HS6ST3: variants seen among roughly 807,000 people sequenced by gnomAD.
HS6ST3 encodes heparan sulfate 6-O-sulfotransferase 3.
HS6ST3 carries 12 observed loss-of-function variants against 36.7 expected under a neutral mutation model. That is an observed-to-expected ratio of 0.33 (90% CI 0.21 to 0.53). The LOEUF (loss-of-function observed/expected upper bound fraction) is 0.53, where lower values mean the gene tolerates loss of function less well. Ranked by LOEUF, HS6ST3 falls within the 20% of genes least tolerant of loss-of-function variation. HS6ST3 has a pLI of 0.95. For missense variants in HS6ST3, 584 were observed against 640.9 expected (o/e 0.91, Z 0.96); for synonymous variants, 240 against 257.5 (o/e 0.93, Z 0.65).
intron 1 of HS6ST3, among the ~76,000 whole-genome samples, chr13:96,395,609 C>CTGTTCT (rs1300803266): frequency 5.3e-5 from 8 of 152,190 alleles, no homozygotes; most frequent in African/African-American, 1.9e-4. Context: ...GTGCTCCTCC[C>CTGTTCT]CAGTGTCCCT....
chr13:96,471,453 T>G (rs1202430621), intron 1 of HS6ST3, among the ~76,000 whole-genome samples: 1 of 152,144 alleles, frequency 6.6e-6, no homozygotes, highest in East Asian at 1.9e-4. Context: ...TGTTAGGATG[T>G]CATGGGCTGC....
intron 1 of HS6ST3, among the ~76,000 whole-genome samples, chr13:96,764,207 G>A (rs1461171824): frequency 6.6e-6 from 1 of 152,140 alleles, no homozygotes; most frequent in Non-Finnish European, 1.5e-5. Flanking sequence ...TTCCAAAGAA[G>A]CTTTAAAAAG....
At chr13:96,123,040 A>G (rs2053933783) in intron 1 of HS6ST3, among the ~76,000 whole-genome samples, 1 of 152,032 alleles carries the variant, frequency 6.6e-6, no homozygotes, top group Admixed American at 6.6e-5. Flanking sequence ...GTCTTTTCAA[A>G]CCTCCAGTCA....
intron 1 of HS6ST3, among the ~76,000 whole-genome samples, chr13:96,430,096 C>T (rs1378382840): frequency 6.6e-6 from 1 of 152,160 alleles, no homozygotes; most frequent in Non-Finnish European, 1.5e-5. Context: ...TTGCAGCTAG[C>T]GTCTTAGCAT....
Position 96,324,077 on chromosome 13 carries a change from A to G in HS6ST3, c.707+232508A>G, listed in dbSNP as rs1001697257. Among the ~76,000 whole-genome samples, 10 of 152,156 alleles carry G rather than the reference A, an allele frequency of 6.6e-5. No homozygotes were observed. The East Asian group carries it at 1.5e-3, about 23-fold the overall frequency. The stretch of plus-strand genomic sequence containing the variant: ...TGCTTTATTAGTCCCCTGTGCCTCC[A>G]TGCTGGCCATGAACATTTGCAGTAA... On this transcript the variant is annotated intron_variant, in intron 1 of 1. Coordinates refer to ENST00000376705, the MANE Select transcript of HS6ST3 (RefSeq NM_153456.4).
At chr13:96,640,510 A>G (rs757001468) in intron 1 of HS6ST3, among the ~76,000 whole-genome samples, 2 of 151,536 alleles carry the variant, frequency 1.3e-5, no homozygotes, top group Admixed American at 1.3e-4. Flanking sequence ...TTCCCATTCT[A>G]TAGGGTTTCT....
chr13:96,226,523 A>C (rs1235771394), intron 1 of HS6ST3, among the ~76,000 whole-genome samples: 4 of 152,186 alleles, frequency 2.6e-5, no homozygotes, highest in African/African-American at 7.2e-5. Flanking sequence ...TCCATCTCAA[A>C]AAATAATAAT....
rs149274039 is a variant in HS6ST3 at position 96,715,699 on chromosome 13, C to T, written c.708-116791C>T. Among the ~76,000 whole-genome samples the T allele has an allele frequency of 6.8e-3, 1,039 of 152,104 alleles. 11 individuals carry two copies. The highest frequency in any genetic ancestry group is 0.023 in the African/African-American group (959 of 41,520). The stretch of plus-strand genomic sequence containing the variant: ...CACTAATTGAAACATTATCTATTTC[C>T]GATAATGAAAGTTGTTAATTGTGCT... On this transcript the variant is annotated intron_variant, in intron 1 of 1. Coordinates refer to ENST00000376705, the MANE Select transcript of HS6ST3 (RefSeq NM_153456.4).
intron 1 of HS6ST3, among the ~76,000 whole-genome samples, chr13:96,776,448 G>C (rs1340376193): frequency 6.6e-6 from 1 of 151,650 alleles, no homozygotes; most frequent in Non-Finnish European, 1.5e-5. Context: ...TGCTAGCCAG[G>C]CTAACAAAAA....
chr13:96,451,481 A>G (rs1401164672), intron 1 of HS6ST3, among the ~76,000 whole-genome samples: 2 of 152,194 alleles, frequency 1.3e-5, no homozygotes, highest in Non-Finnish European at 2.9e-5. Context: ...TTTAATTCAG[A>G]TGCTGCACTT....
intron 1 of HS6ST3, among the ~76,000 whole-genome samples, chr13:96,726,498 A>C (rs758603911): frequency 6.6e-6 from 1 of 152,178 alleles, no homozygotes; most frequent in Non-Finnish European, 1.5e-5. Context: ...TTTACATTTC[A>C]AATTCCTACT....
At chr13:96,825,820 C>G (rs1878635581) in intron 1 of HS6ST3, among the ~76,000 whole-genome samples, 1 of 152,188 alleles carries the variant, frequency 6.6e-6, no homozygotes, top group African/African-American at 2.4e-5. Flanking sequence ...TCTCAGTACT[C>G]TGCTAGGAAC....
At chr13:96,638,981 A>G (rs1407472577) in intron 1 of HS6ST3, among the ~76,000 whole-genome samples, 6 of 152,034 alleles carry the variant, frequency 3.9e-5, no homozygotes, top group Non-Finnish European at 8.8e-5. Flanking sequence ...ATGGCCTAAC[A>G]TATGGTCTAT....
intron 1 of HS6ST3, among the ~76,000 whole-genome samples, chr13:96,338,877 C>T (rs1048279103): frequency 1.3e-5 from 2 of 152,134 alleles, no homozygotes; most frequent in Admixed American, 6.5e-5. Flanking sequence ...CACTGAAATT[C>T]TCTTTCAAAA....
intron 1 of HS6ST3, among the ~76,000 whole-genome samples, chr13:96,520,099 C>T (rs566668946): frequency 4.6e-5 from 7 of 152,282 alleles, no homozygotes; most frequent in South Asian, 2.1e-4. Flanking sequence ...TTCCCAACAC[C>T]GTTTATTAAA....
chr13:96,836,220 G>A lies in HS6ST3; in HGVS notation c.*3022G>A, dbSNP rs1439394065. The A allele has an allele frequency of 3.3e-5, 5 of 152,296 alleles. No homozygotes were observed. The highest frequency in any genetic ancestry group is 1.2e-4 in the African/African-American group (5 of 41,544). The allele number at this position is 152,296 out of a possible 1,614,324, so 9.4% of individuals were successfully genotyped here. ...ACAAAAAAGAAAAAAACAATCCCCA[G>A]GGGTTCTATGACCCTATTGACTCCT... On this transcript the variant is annotated 3_prime_UTR_variant, in exon 2 of 2. Transcript: ENST00000376705.
intron 1 of HS6ST3, among the ~76,000 whole-genome samples, chr13:96,485,581 T>C (rs182517460): frequency 1.3e-4 from 20 of 152,334 alleles, no homozygotes; most frequent in African/African-American, 4.1e-4. Flanking sequence ...ATTTTCATAC[T>C]ACTGTATTAG....
At chr13:96,579,797 G>A (rs1391785524) in intron 1 of HS6ST3, among the ~76,000 whole-genome samples, 1 of 152,088 alleles carries the variant, frequency 6.6e-6, no homozygotes. Context: ...GGGTTGCCCT[G>A]ATGGCATTTC....
At chr13:96,233,924 C>G (rs2054519853) in intron 1 of HS6ST3, among the ~76,000 whole-genome samples, 1 of 152,040 alleles carries the variant, frequency 6.6e-6, no homozygotes, top group South Asian at 2.1e-4. Flanking sequence ...AATTTGCATT[C>G]AGGATGCAGA....
Sources: gnomAD v4.1 joint callset for allele counts (sites outside exome capture counted in the v4.1 genomes callset) on GRCh38, gnomAD v4.1.1 for gene constraint, MANE v1.5 for transcripts, NCBI Gene and HGNC (gene_info 2026-07-23, HGNC 2026-07-21) for gene names.